ARHGAP24: variants seen among roughly 807,000 people sequenced by gnomAD.
ARHGAP24 encodes the protein Rho GTPase activating protein 24.
Under a neutral mutation model 76.4 loss-of-function variants are expected in ARHGAP24, and 50 were observed. The observed-to-expected ratio is 0.65, with a 90% CI of 0.52 to 0.83. The LOEUF is 0.83. Among genes scored for constraint, ARHGAP24 ranks in the 40% least tolerant of loss-of-function variants. The pLI, the probability that ARHGAP24 is intolerant of heterozygous loss-of-function variation, is 0.00. For missense variants in ARHGAP24, 930 were observed against 914.2 expected (o/e 1.02, Z -0.22); for synonymous variants, 345 against 323.3 (o/e 1.07, Z -0.72).
intron 2 of ARHGAP24, among the ~76,000 whole-genome samples, chr4:85,696,243 T>C (rs981197329): frequency 1.3e-5 from 2 of 152,106 alleles, no homozygotes; most frequent in African/African-American, 4.8e-5. Context: ...TAGTGTTTTA[T>C]TAGGATCCAA....
At chr4:85,629,181 A>G (rs922347984) in intron 2 of ARHGAP24, among the ~76,000 whole-genome samples, 2 of 152,170 alleles carry the variant, frequency 1.3e-5, no homozygotes, top group African/African-American at 2.4e-5. Flanking sequence ...TCTTATAGTT[A>G]TAACAGTCTA....
intron 1 of ARHGAP24, among the ~76,000 whole-genome samples, chr4:85,559,008 CAT>C (rs35147656): frequency 0.25 from 37,946 of 151,856 alleles, 6,170 homozygotes; most frequent in East Asian, 0.78. Context: ...GGAAAGCTTT[CAT>C]CTTAGCTTAA....
chr4:85,881,545 C>A (rs916002340), intron 3 of ARHGAP24, among the ~76,000 whole-genome samples: 2 of 151,896 alleles, frequency 1.3e-5, no homozygotes, highest in African/African-American at 2.4e-5. Flanking sequence ...ATTTCACAGA[C>A]GGTGATTTCA....
At chr4:85,577,956 G>A (rs1215592706) in intron 2 of ARHGAP24, among the ~76,000 whole-genome samples, 1 of 152,134 alleles carries the variant, frequency 6.6e-6, no homozygotes, top group Non-Finnish European at 1.5e-5. Context: ...GGAGAAGAAA[G>A]CAGAGGCAAG....
intron 2 of ARHGAP24, among the ~76,000 whole-genome samples, chr4:85,617,129 A>G (rs1341500385): frequency 6.8e-6 from 1 of 147,392 alleles, no homozygotes; most frequent in East Asian, 1.9e-4. Context: ...ATTTAAATAT[A>G]TGTACTTGTA....
intron 3 of ARHGAP24, among the ~76,000 whole-genome samples, chr4:85,852,784 G>A (rs533939626): frequency 9.1e-4 from 138 of 152,214 alleles, no homozygotes; most frequent in Non-Finnish European, 1.8e-3. Flanking sequence ...ACCTTTGGAG[G>A]CTGCAGAACA....
chr4:85,495,763 G>A (rs1478961074), intron 1 of ARHGAP24, among the ~76,000 whole-genome samples: 1 of 152,092 alleles, frequency 6.6e-6, no homozygotes, highest in Admixed American at 6.6e-5. Flanking sequence ...CTACAGCATG[G>A]CAGGCGTTGA....
rs201167231 is a variant in ARHGAP24, at chr4:85,644,946, T to C, written c.180+74225T>C. 3.3e-5 allele frequency among the ~76,000 whole-genome samples: 5 copies of C among 152,242 alleles called. No individual in the cohort carries two copies. In the East Asian group the frequency reaches 7.7e-4, roughly 24 times the overall value. Reference sequence around the variant, plus strand: ...CAAGAGAAATGAGTAACTCATTTTCTACACTTTTTGTAAAGACTGGGCTTC... The same window carrying C: ...CAAGAGAAATGAGTAACTCATTTTCCACACTTTTTGTAAAGACTGGGCTTC... On this transcript the variant is annotated intron_variant, in intron 2 of 9. Transcript: ENST00000395184.
At chr4:85,515,058 G>A (rs1297607254) in intron 1 of ARHGAP24, among the ~76,000 whole-genome samples, 1 of 152,046 alleles carries the variant, frequency 6.6e-6, no homozygotes, top group Non-Finnish European at 1.5e-5. Context: ...TTCTGAGAGA[G>A]TACGTAGAAT....
At chr4:85,632,557 A>G (rs1721190926) in intron 2 of ARHGAP24, among the ~76,000 whole-genome samples, 2 of 150,194 alleles carry the variant, frequency 1.3e-5, no homozygotes, top group Middle Eastern at 3.5e-3. Context: ...AATATAAAAG[A>G]AAAATATCCC....
chr4:85,545,062 C>G (rs1725864665), intron 1 of ARHGAP24, among the ~76,000 whole-genome samples: 2 of 151,748 alleles, frequency 1.3e-5, no homozygotes, highest in African/African-American at 4.9e-5. Flanking sequence ...CTTGTACTTT[C>G]TCAACTAAAA....
chr4:85,915,550 C>A (rs1469647967), intron 3 of ARHGAP24, among the ~76,000 whole-genome samples: 1 of 152,126 alleles, frequency 6.6e-6, no homozygotes, highest in Non-Finnish European at 1.5e-5. Context: ...AGGTATTGCT[C>A]TTAATGCTAT....
chr4:85,874,612 A>G (rs1053389796), intron 3 of ARHGAP24, among the ~76,000 whole-genome samples: 8 of 151,564 alleles, frequency 5.3e-5, no homozygotes, highest in Non-Finnish European at 7.4e-5. Context: ...CTTCTATATC[A>G]TACTGATATC....
chr4:85,786,810 C>A (rs1048959043), intron 3 of ARHGAP24, among the ~76,000 whole-genome samples: 1 of 152,184 alleles, frequency 6.6e-6, no homozygotes, highest in African/African-American at 2.4e-5. Context: ...ACTTTCTCAC[C>A]TTTGTATGGT....
intron 5 of ARHGAP24, among the ~76,000 whole-genome samples, chr4:85,951,284 T>C (rs915611630): frequency 3.3e-5 from 5 of 151,946 alleles, no homozygotes; most frequent in Non-Finnish European, 5.9e-5. Flanking sequence ...AAATCCATAA[T>C]TTCCCAGAGG....
At chr4:85,709,234 A>G (rs998076673) in intron 2 of ARHGAP24, among the ~76,000 whole-genome samples, 6 of 152,146 alleles carry the variant, frequency 3.9e-5, no homozygotes, top group Non-Finnish European at 8.8e-5. Flanking sequence ...GTGCCTGGGA[A>G]GTAAAATTTT....
In ARHGAP24 at chr4:85,771,850, C is replaced by T. The variant is rs914018314; in HGVS notation, c.268+49878C>T. ...TCAGCCTCCCAAGTATGTGGGACTA[C>T]GGGTGCGCACCAACACACCCAGCTA... On this transcript the variant is annotated intron_variant, in intron 3 of 9. Transcript: ENST00000395184. Among the ~76,000 whole-genome samples, 7 of 152,188 alleles carry T rather than the reference C, an allele frequency of 4.6e-5. No individual in the cohort carries two copies. The South Asian group carries it at 6.2e-4, about 14-fold the overall frequency.
chr4:85,821,212 TATA>T (rs1284857225), intron 3 of ARHGAP24, among the ~76,000 whole-genome samples: 1 of 152,216 alleles, frequency 6.6e-6, no homozygotes, highest in African/African-American at 2.4e-5. Context: ...AGCCTATAGA[TATA>T]ATTTTCTTTA....
rs145722382 is a variant in ARHGAP24, at chr4:85,554,753, C to T, written c.-20-15769C>T. Among the ~76,000 whole-genome samples the T allele has an allele frequency of 3.9e-3, 597 of 152,138 alleles. 3 individuals carry two copies. The highest frequency in any genetic ancestry group is 0.013 in the African/African-American group (559 of 41,464). ...TGGTGCTATCTTGGCCCACTGCAAG[C>T]TCCACCTCCCGGGTTCACGCCATTC... On this transcript the variant is annotated intron_variant, in intron 1 of 9. Transcript: ENST00000395184.
Sources: gnomAD v4.1 joint callset for allele counts (sites outside exome capture counted in the v4.1 genomes callset) on GRCh38, gnomAD v4.1.1 for gene constraint, MANE v1.5 for transcripts, NCBI Gene and HGNC (gene_info 2026-07-23, HGNC 2026-07-21) for gene names.